Variants in EPM2A observed in about 807,000 individuals in gnomAD.
EPM2A encodes the protein EPM2A glucan phosphatase, laforin.
A neutral mutation model predicts 26.5 loss-of-function variants in EPM2A; 21 were observed. That is an observed-to-expected ratio of 0.79 (90% CI 0.56 to 1.14). The LOEUF is 1.14. Ranked by LOEUF, EPM2A falls within the 50% of genes most tolerant of loss-of-function variation. EPM2A has a pLI of 0.00. For synonymous variants in EPM2A, 217 were observed against 177.6 expected, an observed-to-expected ratio of 1.22 and a Z score of -1.76; for missense variants, 458 against 440.8, an observed-to-expected ratio of 1.04 and a Z score of -0.35.
At chr6:145,513,210 A>T (rs929417551) in intron 2 of EPM2A, among the ~76,000 whole-genome samples, 2 of 152,144 alleles carry the variant, frequency 1.3e-5, no homozygotes, top group African/African-American at 4.8e-5. Flanking sequence ...ACTCAACAAG[A>T]AAAAAACAAA....
rs75914927 is a variant in EPM2A at position 145,566,235 on chromosome 6, A to G, written c.341-63660T>C. The stretch of plus-strand genomic sequence containing the variant: ...AGAGAACCCCTTCACATATTTGCTA[A>G]TTTTCAAACTTCTGAAACTTGAGGG... On this transcript the variant is annotated intron_variant, in intron 2 of 3. Coordinates refer to the EPM2A transcript ENST00000450221. 4.6e-3 allele frequency among the ~76,000 whole-genome samples: 708 copies of G among 152,268 alleles called. 25 individuals are homozygous for G. The East Asian group carries it at 0.085, about 18-fold the overall frequency.
intron 2 of EPM2A, among the ~76,000 whole-genome samples, chr6:145,655,773 G>GA (rs1223554659): frequency 7.9e-5 from 12 of 151,516 alleles, no homozygotes; most frequent in South Asian, 2.1e-4. Flanking sequence ...ATACTAGGCG[G>GA]AAAAAAAAGG....
intron 2 of EPM2A, among the ~76,000 whole-genome samples, chr6:145,646,602 T>C (rs1562438616): frequency 6.6e-6 from 1 of 152,260 alleles, no homozygotes; most frequent in East Asian, 1.9e-4. Context: ...ATAAACTGTG[T>C]CCCTCACATG....
chr6:145,572,216 T>G (rs1780967877), intron 2 of EPM2A, among the ~76,000 whole-genome samples: 1 of 152,210 alleles, frequency 6.6e-6, no homozygotes, highest in African/African-American at 2.4e-5. Flanking sequence ...GCTGTCTACT[T>G]TCAGTTGGTG....
intron 2 of EPM2A, among the ~76,000 whole-genome samples, chr6:145,571,920 A>G (rs1252162005): frequency 6.6e-6 from 1 of 152,204 alleles, no homozygotes; most frequent in Non-Finnish European, 1.5e-5. Flanking sequence ...TTTACATGGG[A>G]TAAAAATATC....
chr6:145,451,349 TG>T (rs56723311), intron 4 of EPM2A, among the ~76,000 whole-genome samples: 97,568 of 151,458 alleles, frequency 0.64, 32,799 homozygotes, highest in East Asian at 0.85. Flanking sequence ...AAAAATGCAT[TG>T]GTAAAAAAAT....
downstream of EPM2A, among the ~76,000 whole-genome samples, chr6:145,621,614 CTTT>C (rs775151848): frequency 7.0e-6 from 1 of 142,324 alleles, no homozygotes; most frequent in African/African-American, 2.6e-5. Context: ...CTATCTCTTG[CTTT>C]TTTTTTTTTT....
At chr6:145,586,858 A>AT (rs1243271877) in intron 2 of EPM2A, among the ~76,000 whole-genome samples, 1 of 152,156 alleles carries the variant, frequency 6.6e-6, no homozygotes, top group Non-Finnish European at 1.5e-5. Flanking sequence ...ACCTCACATG[A>AT]TTTCTGATGG....
Position 145,483,121 on chromosome 6 carries a change from T to C in EPM2A, c.555+19401A>G, listed in dbSNP as rs533156417. On this transcript the variant is annotated intron_variant, in intron 4 of 4. Transcript: ENST00000638717. Reference sequence around the variant, plus strand: ...GCGAATGTAAGCTCATCAAAGTTTCTTTCTTTTTTTTTATTTTTTAAAAAT... The same window carrying C: ...GCGAATGTAAGCTCATCAAAGTTTCCTTCTTTTTTTTTATTTTTTAAAAAT... Among the ~76,000 whole-genome samples the C allele has an allele frequency of 4.0e-5, 6 of 149,960 alleles. No homozygotes were observed. In the East Asian group the frequency reaches 1.2e-3, roughly 29 times the overall value.
intron 4 of EPM2A, among the ~76,000 whole-genome samples, chr6:145,420,268 T>C (rs1778764865): frequency 1.3e-5 from 2 of 152,164 alleles, no homozygotes; most frequent in Non-Finnish European, 2.9e-5. Flanking sequence ...TGATACTCTT[T>C]GCCCCTAAAG....
chr6:145,508,418 A>T (rs1780008592), intron 2 of EPM2A, among the ~76,000 whole-genome samples: 2 of 152,224 alleles, frequency 1.3e-5, no homozygotes, highest in South Asian at 4.1e-4. Flanking sequence ...AAATAAAAGT[A>T]AATCACTACA....
At chr6:145,668,224 T>C (rs914550143) in intron 2 of EPM2A, among the ~76,000 whole-genome samples, 3 of 151,808 alleles carry the variant, frequency 2.0e-5, no homozygotes, top group African/African-American at 4.8e-5. Flanking sequence ...AGAAGTCTTA[T>C]AGAAGAAAGG....
chr6:145,533,660 A>G (rs1310079687), intron 2 of EPM2A, among the ~76,000 whole-genome samples: 2 of 152,136 alleles, frequency 1.3e-5, no homozygotes, highest in East Asian at 1.9e-4. Context: ...AACCTCTTGC[A>G]TGACTGGGTC....
At chr6:145,633,271 A>G (rs1349553402) in intron 3 of EPM2A, among the ~76,000 whole-genome samples, 1 of 152,186 alleles carries the variant, frequency 6.6e-6, no homozygotes, top group Non-Finnish European at 1.5e-5. Context: ...TCAGATTCAG[A>G]GATGCTAACA....
chr6:145,652,749 G>C (rs559479138), intron 2 of EPM2A, among the ~76,000 whole-genome samples: 2 of 151,706 alleles, frequency 1.3e-5, no homozygotes, highest in Non-Finnish European at 2.9e-5. Flanking sequence ...AAACACAGGC[G>C]TGGAGACATG....
At chr6:145,461,947 C>T (rs1437541161) in intron 4 of EPM2A, among the ~76,000 whole-genome samples, 1 of 152,202 alleles carries the variant, frequency 6.6e-6, no homozygotes, top group Non-Finnish European at 1.5e-5. Flanking sequence ...GGACATGGTA[C>T]TTCCACATAT....
At chr6:145,636,891 T>A (rs895643276) in intron 2 of EPM2A, 3 of 142,520 alleles carry the variant, frequency 2.1e-5, no homozygotes, top group African/African-American at 7.9e-5. Context: ...ACCACTGCAC[T>A]CCAGCCTGGG....
chr6:145,632,021 A>T (rs1024440189), intron 3 of EPM2A: 7 of 152,196 alleles, frequency 4.6e-5, no homozygotes, highest in Non-Finnish European at 1.0e-4. Flanking sequence ...ATCCTTTGGT[A>T]GAAACTTAAA....
chr6:145,661,945 T>C (rs1562456604), intron 2 of EPM2A, among the ~76,000 whole-genome samples: 1 of 152,216 alleles, frequency 6.6e-6, no homozygotes, highest in Non-Finnish European at 1.5e-5. Flanking sequence ...CTCATCATTA[T>C]GGCTATAAGC....
Sources: allele counts gnomAD v4.1 joint callset (sites outside exome capture counted in the v4.1 genomes callset), GRCh38; gene constraint gnomAD v4.1.1; transcripts MANE v1.5; gene names NCBI Gene and HGNC (gene_info 2026-07-23, HGNC 2026-07-21).